The following DMD variants were observed in gnomAD, a reference collection of about 807,000 sequenced individuals.
DMD encodes dystrophin.
Under a neutral mutation model 330.1 loss-of-function variants are expected in DMD, and 63 were observed. The observed-to-expected ratio is 0.19, with a 90% confidence interval of 0.16 to 0.24. DMD has a LOEUF of 0.24. Ranked by LOEUF, DMD falls within the 10% of genes least tolerant of loss-of-function variation. The pLI is 1.00. For missense variants in DMD, 3,344 were observed against 2,684.1 expected (o/e 1.25, Z -5.43); for synonymous variants, 1,223 against 959.8 (o/e 1.27, Z -5.07).
rs1160112100 is a variant in DMD at position 31,344,329 on chromosome X, G to A, written c.9163+4227C>T. Among the ~76,000 whole-genome samples, 4 of 111,574 alleles carry A rather than the reference G, an allele frequency of 3.6e-5. No individual in the cohort carries two copies. In the East Asian group the frequency reaches 1.1e-3, roughly 31 times the overall value. On this transcript the variant is annotated intron_variant, in intron 61 of 78. Transcript: ENST00000357033. Reference sequence around the variant, plus strand: ...TTGTAAAGGTATAAAAAGGATATTAGCCATAATGCTCGATATAATAAAGAT... The same window carrying A: ...TTGTAAAGGTATAAAAAGGATATTAACCATAATGCTCGATATAATAAAGAT...
intron 51 of DMD, among the ~76,000 whole-genome samples, chrX:31,761,624 T>C (rs911701808): frequency 8.9e-6 from 1 of 112,243 alleles, no homozygotes; most frequent in African/African-American, 3.2e-5. Flanking sequence ...TAATACCACG[T>C]ATATTGATGC....
At chrX:31,829,916 C>G (rs1303591745) in intron 49 of DMD, among the ~76,000 whole-genome samples, 1 of 112,296 alleles carries the variant, frequency 8.9e-6, no homozygotes, top group Non-Finnish European at 1.9e-5. Flanking sequence ...ATTCAAATCT[C>G]TAAAATGCTT....
intron 9 of DMD, among the ~76,000 whole-genome samples, chrX:32,664,024 G>C (rs1275551782): frequency 2.7e-5 from 3 of 111,268 alleles, no homozygotes; most frequent in African/African-American, 9.8e-5. Context: ...GGCATGGGAA[G>C]GTTTTCAGCA....
chrX:32,856,538 T>C (rs2081577630), intron 2 of DMD, among the ~76,000 whole-genome samples: 1 of 112,001 alleles, frequency 8.9e-6, no homozygotes, highest in African/African-American at 3.2e-5. Flanking sequence ...GAATACATTG[T>C]ATTAAGTGAA....
chrX:31,389,246 A>G (rs904801764), intron 60 of DMD, among the ~76,000 whole-genome samples: 36 of 112,511 alleles, frequency 3.2e-4, no homozygotes, highest in Admixed American at 1.0e-3. Flanking sequence ...CAAATGATTT[A>G]ACAAGAGACT....
chrX:32,728,883 T>C (rs942221404), intron 7 of DMD, among the ~76,000 whole-genome samples: 2 of 111,861 alleles, frequency 1.8e-5, no homozygotes, highest in African/African-American at 6.5e-5. Context: ...ACACTGTTAG[T>C]CTTTCCATCT....
chrX:31,339,024 C>T (rs2057574257), intron 61 of DMD, among the ~76,000 whole-genome samples: 1 of 109,354 alleles, frequency 9.1e-6, no homozygotes, highest in Non-Finnish European at 1.9e-5. Flanking sequence ...TCCCACTATG[C>T]CTGATTTCAA....
chrX:32,707,873 G>A (rs2064825884), intron 7 of DMD, among the ~76,000 whole-genome samples: 2 of 111,487 alleles, frequency 1.8e-5, no homozygotes, highest in Admixed American at 1.9e-4. Flanking sequence ...AGAACTATTA[G>A]GGTTTACATT....
chrX:33,331,417 C>T (rs1041437160), intron 1 of DMD, among the ~76,000 whole-genome samples: 5 of 111,657 alleles, frequency 4.5e-5, no homozygotes, highest in African/African-American at 1.3e-4. Flanking sequence ...GTTGCTGGAC[C>T]GAACAATTCT....
At chrX:32,816,336 G>C (rs1445596588) in intron 6 of DMD, 132 bp downstream of exon 6, 2 of 671,253 alleles carry the variant, frequency 3.0e-6, no homozygotes, top group Non-Finnish European at 4.7e-6. Flanking sequence ...TGGAACGTTA[G>C]ATCAATGTGG....
intron 60 of DMD, among the ~76,000 whole-genome samples, chrX:31,369,030 G>T (rs2059408305): frequency 9.0e-6 from 1 of 111,668 alleles, no homozygotes; most frequent in Admixed American, 9.5e-5. Flanking sequence ...ATTAAACCTG[G>T]ACTCTTGGAG....
intron 1 of DMD, among the ~76,000 whole-genome samples, chrX:33,068,275 T>C (rs993854113): frequency 3.6e-5 from 4 of 111,521 alleles, no homozygotes; most frequent in Non-Finnish European, 5.6e-5. Flanking sequence ...GACTGCCTAG[T>C]AGATTGTAAG....
At chrX:32,808,019 T>C (rs2077084190) in intron 7 of DMD, among the ~76,000 whole-genome samples, 1 of 111,677 alleles carries the variant, frequency 9.0e-6, no homozygotes. Flanking sequence ...GAGGTTGAAG[T>C]CCGTATTTTC....
chrX:32,435,991 T>A (rs1490175422), intron 29 of DMD, among the ~76,000 whole-genome samples: 1 of 111,978 alleles, frequency 8.9e-6, no homozygotes, highest in Non-Finnish European at 1.9e-5. Context: ...AATTCAATGG[T>A]TCCCCACCAT....
At chrX:31,211,763 G>A (rs1295015205) in intron 64 of DMD, among the ~76,000 whole-genome samples, 1 of 112,281 alleles carries the variant, frequency 8.9e-6, no homozygotes, top group Non-Finnish European at 1.9e-5. Flanking sequence ...ACAGTTAGGA[G>A]AGAAATACTG....
intron 1 of DMD, among the ~76,000 whole-genome samples, chrX:33,192,189 T>C (rs1033729207): frequency 8.9e-6 from 1 of 112,000 alleles, no homozygotes; most frequent in Admixed American, 9.5e-5. Flanking sequence ...TCTTTGGCCT[T>C]TTTTACCCTT....
At chrX:31,497,327 C>T (rs781463152) in intron 56 of DMD, among the ~76,000 whole-genome samples, 1 of 111,647 alleles carries the variant, frequency 9.0e-6, no homozygotes, top group Non-Finnish European at 1.9e-5. Context: ...ATTCTTTTTG[C>T]CTTGAGAAAT....
intron 9 of DMD, among the ~76,000 whole-genome samples, chrX:32,667,344 C>A (rs2061367618): frequency 1.8e-5 from 2 of 111,600 alleles, no homozygotes. Flanking sequence ...ATTATACAAG[C>A]AATAAATAAA....
intron 44 of DMD, among the ~76,000 whole-genome samples, chrX:32,057,330 ATC>A (rs2096184600): frequency 9.0e-6 from 1 of 111,421 alleles, no homozygotes; most frequent in African/African-American, 3.2e-5. Context: ...GTAAAATTAT[ATC>A]TGTTTGCAAA....
Sources: gnomAD v4.1 joint callset for allele counts (sites outside exome capture counted in the v4.1 genomes callset) on GRCh38, gnomAD v4.1.1 for gene constraint, MANE v1.5 for transcripts, NCBI Gene and HGNC (gene_info 2026-07-23, HGNC 2026-07-21) for gene names.